Variants in GRM7 observed in about 807,000 individuals in gnomAD.
GRM7 encodes metabotropic glutamate receptor 7.
In GRM7, 35 loss-of-function variants were observed where a neutral mutation model predicts 84.5. The observed-to-expected ratio is 0.41, with a 90% CI of 0.32 to 0.55. The LOEUF (loss-of-function observed/expected upper bound fraction) is 0.55, where lower values mean the gene tolerates loss of function less well. GRM7 is among the 20% of genes least tolerant of loss of function. The pLI is 0.19. For synonymous variants in GRM7, 487 were observed against 455.1 expected, an observed-to-expected ratio of 1.07 and a Z score of -0.89; for missense variants, 1,003 against 1,194.6, an observed-to-expected ratio of 0.84 and a Z score of 2.36.
intron 1 of GRM7, among the ~76,000 whole-genome samples, chr3:7,016,001 C>T (rs1273601622): frequency 6.6e-6 from 1 of 152,152 alleles, no homozygotes; most frequent in Non-Finnish European, 1.5e-5. Flanking sequence ...TATTTTAAAA[C>T]ACCACAGGTA....
intron 1 of GRM7, among the ~76,000 whole-genome samples, chr3:6,944,616 G>T (rs1697996770): frequency 6.6e-6 from 1 of 152,068 alleles, no homozygotes; most frequent in African/African-American, 2.4e-5. Flanking sequence ...TTCCTGAGAG[G>T]TATTGTTCTG....
At chr3:7,707,135 C>A (rs1028438206) in intron 9 of GRM7, among the ~76,000 whole-genome samples, 2 of 152,104 alleles carry the variant, frequency 1.3e-5, no homozygotes, top group Non-Finnish European at 2.9e-5. Context: ...TTCTACCTTG[C>A]GCAGAAGTAA....
intron 8 of GRM7, among the ~76,000 whole-genome samples, chr3:7,582,847 A>T (rs897496770): frequency 4.6e-5 from 7 of 152,252 alleles, no homozygotes; most frequent in Non-Finnish European, 7.4e-5. Flanking sequence ...CCCCAACCCT[A>T]TAATCCCATA....
At chr3:7,179,447 T>G (rs961649172) in intron 2 of GRM7, among the ~76,000 whole-genome samples, 8 of 152,248 alleles carry the variant, frequency 5.3e-5, no homozygotes, top group Non-Finnish European at 1.2e-4. Context: ...GTGTTGATTT[T>G]TTTCAATGTT....
intron 4 of GRM7, among the ~76,000 whole-genome samples, chr3:7,360,756 G>A (rs927519751): frequency 1.4e-4 from 22 of 152,076 alleles, no homozygotes; most frequent in African/African-American, 4.8e-4. Flanking sequence ...CTGATTATGG[G>A]CAAATAATCA....
At chr3:6,981,712 G>C (rs768577256) in intron 1 of GRM7, among the ~76,000 whole-genome samples, 4 of 152,022 alleles carry the variant, frequency 2.6e-5, no homozygotes, top group African/African-American at 9.7e-5. Context: ...CATTATTAAT[G>C]ATCAGAGAAA....
At chr3:7,059,787 C>T (rs1418247057) in intron 1 of GRM7, among the ~76,000 whole-genome samples, 2 of 151,830 alleles carry the variant, frequency 1.3e-5, no homozygotes, top group African/African-American at 2.4e-5. Flanking sequence ...CCCCTTCTGC[C>T]ATGTGAGAAC....
intron 9 of GRM7, among the ~76,000 whole-genome samples, chr3:7,688,022 C>G (rs1469562008): frequency 1.3e-5 from 2 of 152,022 alleles, no homozygotes; most frequent in Non-Finnish European, 2.9e-5. Flanking sequence ...AGTACAAGTG[C>G]TAGTCAAAAC....
chr3:7,360,929 T>A (rs774390007), intron 4 of GRM7, among the ~76,000 whole-genome samples: 1 of 152,076 alleles, frequency 6.6e-6, no homozygotes, highest in Non-Finnish European at 1.5e-5. Context: ...TGCATTCATG[T>A]TTAATGACAG....
intron 9 of GRM7, among the ~76,000 whole-genome samples, chr3:7,709,996 G>A (rs1701525630): frequency 6.6e-6 from 1 of 152,072 alleles, no homozygotes; most frequent in Non-Finnish European, 1.5e-5. Flanking sequence ...ATTCGGACAG[G>A]TCATGGGTGG....
chr3:7,493,045 G>T (rs79750715), intron 7 of GRM7, among the ~76,000 whole-genome samples: 15,488 of 151,988 alleles, frequency 0.1, 877 homozygotes, highest in Non-Finnish European at 0.11. Context: ...CACTCTGCAT[G>T]ATTTTATTTC....
intron 1 of GRM7, among the ~76,000 whole-genome samples, chr3:7,122,275 G>A (rs1693252298): frequency 1.3e-5 from 2 of 152,088 alleles, no homozygotes; most frequent in South Asian, 4.1e-4. Context: ...TGTATTTACT[G>A]CATTTTGCCC....
intron 1 of GRM7, among the ~76,000 whole-genome samples, chr3:6,900,059 A>G (rs1696329769): frequency 6.6e-6 from 1 of 152,192 alleles, no homozygotes; most frequent in African/African-American, 2.4e-5. Context: ...AGAATCCCAA[A>G]ATAAAGGTGA....
chr3:7,352,057 CCACACACACACACACACACACA>C (rs56873432), intron 4 of GRM7, among the ~76,000 whole-genome samples: 1 of 136,894 alleles, frequency 7.3e-6, no homozygotes, highest in Non-Finnish European at 1.6e-5. Context: ...CACACACACA[CCACACACACACACACACACACA>C]CACACACACA....
chr3:6,915,374 G>C (rs1178366629), intron 1 of GRM7, among the ~76,000 whole-genome samples: 1 of 152,132 alleles, frequency 6.6e-6, no homozygotes, highest in Non-Finnish European at 1.5e-5. Flanking sequence ...GTACCTTGGA[G>C]ATGATGGGCT....
At chr3:7,342,979 G>A (rs937370597) in intron 4 of GRM7, among the ~76,000 whole-genome samples, 5 of 152,112 alleles carry the variant, frequency 3.3e-5, no homozygotes, top group African/African-American at 1.2e-4. Context: ...CAGATGTTAA[G>A]TACTTTAAAA....
intron 2 of GRM7, among the ~76,000 whole-genome samples, chr3:7,204,691 C>A (rs527872054): frequency 6.6e-6 from 1 of 152,186 alleles, no homozygotes; most frequent in South Asian, 2.1e-4. Flanking sequence ...TCTGCAGTAC[C>A]ATCACATTCT....
intron 1 of GRM7, among the ~76,000 whole-genome samples, chr3:7,073,969 G>A (rs1342920285): frequency 7.4e-6 from 1 of 135,554 alleles, no homozygotes; most frequent in Admixed American, 6.9e-5. Context: ...TGGGGGGAGG[G>A]TGAAACAAAA....
At chr3:7,094,293 C>A (rs964181874) in intron 1 of GRM7, among the ~76,000 whole-genome samples, 1 of 152,074 alleles carries the variant, frequency 6.6e-6, no homozygotes, top group Non-Finnish European at 1.5e-5. Context: ...TTTTGTACAT[C>A]CAACCGACAT....
Sources: gnomAD v4.1 joint callset for allele counts (sites outside exome capture counted in the v4.1 genomes callset) on GRCh38, gnomAD v4.1.1 for gene constraint, MANE v1.5 for transcripts, NCBI Gene and HGNC (gene_info 2026-07-23, HGNC 2026-07-21) for gene names.